ADD2: variants seen among roughly 807,000 people sequenced by gnomAD.
ADD2 encodes the protein adducin 2.
A neutral mutation model predicts 83.0 loss-of-function variants in ADD2; 23 were observed. That is an observed-to-expected ratio of 0.28 (90% CI 0.20 to 0.39). The LOEUF is 0.39. Among genes scored for constraint, ADD2 ranks in the 10% least tolerant of loss-of-function variants. The pLI, the probability that ADD2 is intolerant of heterozygous loss-of-function variation, is 1.00. For synonymous variants in ADD2, 375 were observed against 375.4 expected (o/e 1.00, Z 0.01); for missense variants, 758 against 944.9 (o/e 0.80, Z 2.59).
intron 1 of ADD2, among the ~76,000 whole-genome samples, chr2:70,723,291 C>A (rs1553377695): frequency 6.6e-6 from 1 of 152,192 alleles, no homozygotes; most frequent in East Asian, 1.9e-4. Context: ...TATGAAAGCA[C>A]AGGCTTTGCA....
At chr2:70,684,032 A>C (rs185242691) in intron 9 of ADD2, among the ~76,000 whole-genome samples, 1 of 152,324 alleles carries the variant, frequency 6.6e-6, no homozygotes, top group African/African-American at 2.4e-5. Context: ...ACTGAAAGTT[A>C]CCTGGGATAC....
intron 10 of ADD2, 74 bp downstream of exon 10, chr2:70,683,517 T>C (rs1230772256): frequency 4.8e-6 from 7 of 1,472,582 alleles, no homozygotes; most frequent in Non-Finnish European, 5.5e-6. Context: ...GCCCACCTGA[T>C]GCCTTGTACT....
chr2:70,741,684 T>A (rs1267397569), intron 1 of ADD2, among the ~76,000 whole-genome samples: 1 of 152,180 alleles, frequency 6.6e-6, no homozygotes, highest in Admixed American at 6.5e-5. Context: ...AATTTCCAGA[T>A]GATGACAACT....
intron 4 of ADD2, among the ~76,000 whole-genome samples, chr2:70,703,696 A>G (rs1553373835): frequency 6.6e-6 from 1 of 152,228 alleles, no homozygotes; most frequent in African/African-American, 2.4e-5. Flanking sequence ...AAATTATATT[A>G]TAGAACCATA....
intron 15 of ADD2, among the ~76,000 whole-genome samples, chr2:70,669,615 C>T (rs868923004): frequency 3.9e-5 from 6 of 152,126 alleles, no homozygotes; most frequent in South Asian, 2.1e-4. Flanking sequence ...CAAATATGAC[C>T]CCAATGAGCT....
chr2:70,698,039 T>C (rs1671397907), intron 4 of ADD2, among the ~76,000 whole-genome samples: 1 of 152,232 alleles, frequency 6.6e-6, no homozygotes, highest in Non-Finnish European at 1.5e-5. Flanking sequence ...AGTTTGGGAT[T>C]GCCTCCTCCC....
At chr2:70,728,023 TGA>T (rs1182354501) in intron 1 of ADD2, among the ~76,000 whole-genome samples, 14 of 152,226 alleles carry the variant, frequency 9.2e-5, no homozygotes, top group African/African-American at 3.1e-4. Flanking sequence ...GGCCTTTTGT[TGA>T]GAGAGGAGAA....
chr2:70,767,644 C>A (rs1675476204), intron 1 of ADD2: 1 of 1,331,946 alleles, frequency 7.5e-7, no homozygotes, highest in African/African-American at 1.5e-5. Flanking sequence ...CCACCATCCC[C>A]AAGCAGGGGC....
intron 15 of ADD2, among the ~76,000 whole-genome samples, chr2:70,668,698 G>A (rs1553366581): frequency 6.6e-6 from 1 of 152,144 alleles, no homozygotes; most frequent in Non-Finnish European, 1.5e-5. Flanking sequence ...GCCGTGCACT[G>A]GGGTAAAGAC....
intron 1 of ADD2, among the ~76,000 whole-genome samples, chr2:70,719,428 C>G (rs1672624653): frequency 2.0e-5 from 3 of 152,182 alleles, no homozygotes; most frequent in Admixed American, 2.0e-4. Context: ...ATGAAGGTCA[C>G]CAGGGGGTCC....
chr2:70,671,696 A>C (rs549999273), intron 15 of ADD2, among the ~76,000 whole-genome samples: 1 of 152,330 alleles, frequency 6.6e-6, no homozygotes, highest in East Asian at 1.9e-4. Context: ...CAGTCGGGGT[A>C]CATCCACTTG....
intron 1 of ADD2, among the ~76,000 whole-genome samples, chr2:70,767,113 C>T (rs903833826): frequency 2.6e-5 from 4 of 152,150 alleles, no homozygotes; most frequent in Non-Finnish European, 5.9e-5. Flanking sequence ...CCCCCAACAC[C>T]AGGTAGGCTG....
chr2:70,667,419 G>A (rs1346864728), intron 15 of ADD2, among the ~76,000 whole-genome samples: 1 of 152,162 alleles, frequency 6.6e-6, no homozygotes, highest in Non-Finnish European at 1.5e-5. Flanking sequence ...GGCTTCTGTG[G>A]GAGGCGCAGA....
intron 9 of ADD2, among the ~76,000 whole-genome samples, chr2:70,685,931 G>A (rs72899661): frequency 5.3e-4 from 81 of 152,320 alleles, no homozygotes; most frequent in African/African-American, 1.9e-3. Context: ...TCTCAGCAGG[G>A]GATGACCCAG....
intron 9 of ADD2, among the ~76,000 whole-genome samples, chr2:70,685,737 C>T (rs1670685597): frequency 6.6e-6 from 1 of 152,204 alleles, no homozygotes. Flanking sequence ...TTGAGAAGCG[C>T]TATTCCCTGG....
chr2:70,720,553 C>T (rs1553377156), intron 1 of ADD2, among the ~76,000 whole-genome samples: 1 of 152,182 alleles, frequency 6.6e-6, no homozygotes, highest in Non-Finnish European at 1.5e-5. Context: ...TCTCTGTTCT[C>T]TAAATCTATC....
Position 70,706,338 on chromosome 2 carries a change from A to G in ADD2, c.71T>C (p.Phe24Ser). Residue 24 changes from phenylalanine to serine, a missense_variant, in exon 3 of 16, where the codon TTC becomes TCC. Physicochemically the swap from Phe to Ser is radical, Grantham distance 155 (BLOSUM62 -2). This residue lies in a region of ADD2 where 175 missense variants were observed against 192.1 expected (regional missense o/e 0.91). Coordinates refer to ENST00000264436, the MANE Select transcript of ADD2 (RefSeq NM_001617.4). The surrounding 1 kb of genome is among the most constrained non-coding windows in gnomAD (Gnocchi z 5.0). The part of the protein sequence containing the change: ...PPQGQPYFDR[F>S]SEDDPEYMRL... Reference sequence around the variant, plus strand: ...CATGTACTCGGGGTCGTCCTCTGAGAAGCGGTCAAAGTAAGGCTGCCCCTG... The same window carrying G: ...CATGTACTCGGGGTCGTCCTCTGAGGAGCGGTCAAAGTAAGGCTGCCCCTG... The G allele has an allele frequency of 6.2e-7, 1 of 1,613,828 alleles. No homozygotes were observed. Among genetic ancestry groups the G allele is most frequent in the Non-Finnish European group, 8.5e-7 (1 of 1,179,958 alleles).
chr2:70,699,882 G>A (rs182438494), intron 4 of ADD2, among the ~76,000 whole-genome samples: 14 of 152,210 alleles, frequency 9.2e-5, no homozygotes, highest in African/African-American at 2.4e-4. Context: ...CAAAAACTAC[G>A]CAGAGGTCAT....
rs1336553945 is a variant in ADD2, at chr2:70,659,207, T to C, written c.*4218A>G. 6 of 149,444 alleles carry C rather than the reference T, an allele frequency of 4.0e-5. No individual in the cohort carries two copies. The highest frequency in any genetic ancestry group is 2.1e-4 in the South Asian group (1 of 4,686). The allele number at this position is 149,444 out of a possible 1,614,324, so 9.3% of individuals were successfully genotyped here. A position where few individuals can be genotyped will look rare whatever the true frequency, so the allele number is the denominator to read the frequency against. ...AGAAAAAACATGTCATGCAGACCTA[T>C]GCGTAGGCTGTGTGTTTACCCTCCA... On this transcript the variant is annotated 3_prime_UTR_variant, in exon 16 of 16. Transcript: ENST00000264436.
Sources: gnomAD v4.1 joint callset for allele counts (sites outside exome capture counted in the v4.1 genomes callset) on GRCh38, gnomAD v4.1.1 for gene constraint, gnomAD v4.1.1 regional missense constraint, Gnocchi (gnomAD v3.1) non-coding constraint, MANE v1.5 for transcripts, NCBI Gene and HGNC (gene_info 2026-07-23, HGNC 2026-07-21) for gene names.